Variants in SPOCK3 observed in about 807,000 individuals in gnomAD.
SPOCK3 encodes SPARC (osteonectin), cwcv and kazal like domains proteoglycan 3, also known as testican-3.
A neutral mutation model predicts 56.6 loss-of-function variants in SPOCK3; 30 were observed. The observed-to-expected ratio is 0.53, with a 90% CI of 0.40 to 0.72. SPOCK3 has a LOEUF of 0.72. Ranked by LOEUF, SPOCK3 falls within the 30% of genes least tolerant of loss-of-function variation. The pLI is 0.00. For missense variants in SPOCK3, 527 were observed against 530.0 expected, an observed-to-expected ratio of 0.99 and a Z score of 0.06; for synonymous variants, 196 against 183.3, an observed-to-expected ratio of 1.07 and a Z score of -0.56.
At chr4:167,227,285 G>C (rs1423547907) in intron 2 of SPOCK3, among the ~76,000 whole-genome samples, 1 of 151,922 alleles carries the variant, frequency 6.6e-6, no homozygotes, top group Non-Finnish European at 1.5e-5. Context: ...GACTAAAGTG[G>C]TTCAATACTT....
chr4:167,222,975 AATAT>A (rs1167600456), intron 2 of SPOCK3, among the ~76,000 whole-genome samples: 1 of 127,146 alleles, frequency 7.9e-6, no homozygotes, highest in African/African-American at 3.1e-5. Flanking sequence ...ATTTTATATG[AATAT>A]ATATTATATT....
At chr4:167,008,871 G>A (rs1020965072) in intron 3 of SPOCK3, among the ~76,000 whole-genome samples, 1 of 152,094 alleles carries the variant, frequency 6.6e-6, no homozygotes. Flanking sequence ...GGAAGGACTG[G>A]AAAAACTACC....
intron 6 of SPOCK3, among the ~76,000 whole-genome samples, chr4:166,826,345 T>C (rs1745481114): frequency 6.6e-6 from 1 of 152,070 alleles, no homozygotes; most frequent in Admixed American, 6.6e-5. Context: ...AAAAGTAAAA[T>C]AAGCAACTTC....
intron 3 of SPOCK3, among the ~76,000 whole-genome samples, chr4:167,005,578 T>C (rs775379849): frequency 6.6e-5 from 8 of 121,984 alleles, no homozygotes; most frequent in Non-Finnish European, 1.3e-4. Context: ...AGAACAGGGA[T>C]GCAGAAACCA....
chr4:166,917,972 G>T (rs1738060747), intron 4 of SPOCK3, among the ~76,000 whole-genome samples: 1 of 152,118 alleles, frequency 6.6e-6, no homozygotes, highest in Non-Finnish European at 1.5e-5. Flanking sequence ...AACTGATGGT[G>T]ACTTAATATA....
chr4:167,083,663 C>A (rs142231920), intron 2 of SPOCK3, among the ~76,000 whole-genome samples: 1 of 152,128 alleles, frequency 6.6e-6, no homozygotes, highest in East Asian at 1.9e-4. Context: ...TATCATTCAG[C>A]AGAGTATTGA....
chr4:166,852,497 C>T lies in SPOCK3; in HGVS notation c.589+36633G>A, dbSNP rs202006575. ...ACAGAAACGAACCCTTTGGAAAGAC[C>T]TGTACCACTCCTGACACTGCCCTGC... On this transcript the variant is annotated intron_variant, in intron 6 of 10. Coordinates refer to ENST00000357545, the MANE Select transcript of SPOCK3 (RefSeq NM_001040159.2). 1.4e-3 allele frequency among the ~76,000 whole-genome samples: 208 copies of T among 152,164 alleles called. 1 individual carries two copies. The highest frequency in any genetic ancestry group is 4.7e-3 in the African/African-American group (197 of 41,516).
intron 2 of SPOCK3, among the ~76,000 whole-genome samples, chr4:167,205,490 A>ATATATAT (rs1734144752): frequency 5.7e-5 from 3 of 53,090 alleles, no homozygotes; most frequent in African/African-American, 2.5e-4. Context: ...ATAATATATA[A>ATATATAT]TATATAATAT....
At chr4:166,962,990 A>G (rs1288255818) in intron 4 of SPOCK3, among the ~76,000 whole-genome samples, 3 of 152,096 alleles carry the variant, frequency 2.0e-5, no homozygotes, top group South Asian at 4.1e-4. Flanking sequence ...AATAAATGCC[A>G]TTCCTTTTGT....
chr4:167,033,453 C>T, intron 3 of SPOCK3, among the ~76,000 whole-genome samples: 1 of 150,666 alleles, frequency 6.6e-6, no homozygotes, highest in East Asian at 1.9e-4. Context: ...GTAAAGTTCT[C>T]AAGGCTTCAT....
In SPOCK3 at chr4:166,924,628, A is replaced by G. The variant is rs192130581; in HGVS notation, c.351-11885T>C. 3.3e-5 allele frequency among the ~76,000 whole-genome samples: 5 copies of G among 152,336 alleles called. No homozygotes were observed. In the East Asian group the frequency reaches 7.7e-4, roughly 24 times the overall value. On this transcript the variant is annotated intron_variant, in intron 4 of 10. Coordinates refer to ENST00000357545, the MANE Select transcript of SPOCK3 (RefSeq NM_001040159.2). ...ACACTTCCTAACTCCCTCACTAACA[A>G]TGCCTGAAAGGCATAGAAAGATGAC...
At chr4:166,834,477 G>T (rs1746406321) in intron 6 of SPOCK3, among the ~76,000 whole-genome samples, 1 of 152,228 alleles carries the variant, frequency 6.6e-6, no homozygotes, top group East Asian at 1.9e-4. Context: ...TAGAGTACCA[G>T]GCTTTTTCTC....
chr4:166,763,670 G>C (rs1737553012), intron 7 of SPOCK3, among the ~76,000 whole-genome samples: 1 of 151,754 alleles, frequency 6.6e-6, no homozygotes, highest in Non-Finnish European at 1.5e-5. Flanking sequence ...AGGGAGGGTA[G>C]TGTACTCTGG....
chr4:166,873,688 C>G (rs1313322616), intron 6 of SPOCK3, among the ~76,000 whole-genome samples: 2 of 152,074 alleles, frequency 1.3e-5, no homozygotes, highest in Non-Finnish European at 2.9e-5. Context: ...TTAAGATTCC[C>G]TGTTACTACT....
chr4:166,773,805 C>T (rs1252473365), intron 7 of SPOCK3, among the ~76,000 whole-genome samples: 3 of 152,184 alleles, frequency 2.0e-5, no homozygotes, highest in Non-Finnish European at 2.9e-5. Flanking sequence ...AGCATAGGCA[C>T]ACATACACAT....
intron 6 of SPOCK3, among the ~76,000 whole-genome samples, chr4:166,872,850 A>G (rs1194159967): frequency 6.6e-6 from 1 of 152,118 alleles, no homozygotes; most frequent in Admixed American, 6.6e-5. Flanking sequence ...GGGCATCTGT[A>G]TCTGGTGAGG....
intron 4 of SPOCK3, among the ~76,000 whole-genome samples, chr4:166,992,633 C>A (rs930610350): frequency 3.9e-5 from 6 of 152,078 alleles, no homozygotes; most frequent in Admixed American, 6.6e-5. Context: ...TACTTTGAAC[C>A]TGAGCATTTT....
chr4:166,854,485 T>TA lies in SPOCK3; in HGVS notation c.589+34644dup, dbSNP rs556720018. ...AGCTACAATAAATTGGATTCTTTGT[T>TA]AAAAAACTTTGTAAAAATGTACAGC... On this transcript the variant is annotated intron_variant, in intron 6 of 10. Transcript: ENST00000357545. Among the ~76,000 whole-genome samples the TA allele has an allele frequency of 9.6e-4, 147 of 152,336 alleles. 1 individual carries two copies. The highest frequency in any genetic ancestry group is 1.5e-3 in the Non-Finnish European group (99 of 68,030).
chr4:166,842,023 T>C (rs1341401227), intron 6 of SPOCK3, among the ~76,000 whole-genome samples: 2 of 152,162 alleles, frequency 1.3e-5, no homozygotes, highest in East Asian at 3.8e-4. Context: ...GCAGACCTTC[T>C]CAGTCAGTGT....
Sources: allele counts gnomAD v4.1 joint callset (sites outside exome capture counted in the v4.1 genomes callset), GRCh38; gene constraint gnomAD v4.1.1; transcripts MANE v1.5; gene names NCBI Gene and HGNC (gene_info 2026-07-23, HGNC 2026-07-21).